Variants in WIZ observed in about 807,000 individuals in gnomAD.
WIZ encodes the protein protein Wiz.
In WIZ, 25 loss-of-function variants were observed where a neutral mutation model predicts 140.2. The ratio of observed to expected loss-of-function variants is 0.18; its 90% CI spans 0.13 to 0.25. The LOEUF (loss-of-function observed/expected upper bound fraction) is 0.25. Ranked by LOEUF, WIZ falls within the 10% of genes least tolerant of loss-of-function variation. The probability of loss-of-function intolerance (pLI) is 1.00; values close to 1 mark genes in which losing one functional copy is unlikely to be tolerated. For missense variants in WIZ, 2,231 were observed against 2,632.6 expected (o/e 0.85, Z 3.34); for synonymous variants, 1,125 against 1,154.3 (o/e 0.97, Z 0.51).
chr19:15,431,125 G>A lies in WIZ; in HGVS notation c.2798C>T (p.Pro933Leu), dbSNP rs1969207977. 6.5e-7 allele frequency: 1 copy of A among 1,535,206 alleles called. No individual in the cohort carries two copies. Among genetic ancestry groups the A allele is most frequent in the Admixed American group, 2.0e-5 (1 of 50,864 alleles). The change falls in exon 6 of 13, where the codon CCT (proline) becomes CTT (leucine). Residue 933 changes from proline to leucine, a missense_variant. Transcript: ENST00000673675. The stretch of plus-strand genomic sequence containing the variant: ...CCCAGGGACAGGCAGGCTCTTCTTA[G>A]GGAGCGAGGGAGAGCCCAAGTCCAT... ...VAMDLGSPSL[P>L]KKSLPVPGAL...
In WIZ at chr19:15,423,171, G is replaced by A. The variant is rs753728261; in HGVS notation, c.5575C>T (p.Arg1859Trp). Residue 1859 changes from arginine (R) to tryptophan (W), a missense_variant, in exon 13 of 13, where the codon CGG (arginine) becomes TGG (tryptophan). By Grantham distance (101) the Arg-to-Trp change is moderately radical. Transcript: ENST00000673675. The stretch of plus-strand genomic sequence containing the variant: ...GAGAAGTTCATCTCCAGGATGTGCC[G>A]CTGTAAGTGCCGCACCCACTCTTCC... ...IQEEWVRHLQ[R>W]HILEMNFSKA... 33 of 1,613,552 alleles carry A rather than the reference G, an allele frequency of 2.0e-5. No individual in the cohort carries two copies. Among genetic ancestry groups the A allele is most frequent in the South Asian group, 1.3e-4 (12 of 91,068 alleles).
chr19:15,427,060 C>CCGG lies in WIZ; in HGVS notation c.4285_4287dup (p.Pro1429dup). ...GGGTGCAGTTCCCCATGAAGGGCCC[C>CCGG]CGGCAGCATCTCCCGCTTGATCTCC... On this transcript the variant is annotated inframe_insertion, in exon 9 of 13. Transcript: ENST00000673675. The surrounding 1 kb of genome is among the most constrained non-coding windows in gnomAD (Gnocchi z 6.4). 1 of 1,614,180 alleles carries CCGG rather than the reference C, an allele frequency of 6.2e-7. No homozygotes were observed. Among genetic ancestry groups the CCGG allele is most frequent in the East Asian group, 2.2e-5 (1 of 44,888 alleles).
chr19:15,433,901 T>G (rs1568304507), intron 5 of WIZ, among the ~76,000 whole-genome samples: 1 of 152,140 alleles, frequency 6.6e-6, no homozygotes. Flanking sequence ...GGCTTGTGAG[T>G]GGGTCTGACT....
At position 15,440,081 on chromosome 19, in the gene WIZ, C is replaced by G; in HGVS notation, c.913G>C (p.Asp305His). 6.5e-7 allele frequency: 1 copy of G among 1,535,382 alleles called. No individual in the cohort carries two copies. The highest frequency in any genetic ancestry group is 8.7e-7 in the Non-Finnish European group (1 of 1,146,530). ...GCCGGCTCCTCGTCCTCGTCCTCAT[C>G]TGGGCTGGCCACCCCTTCGGCCACC... The part of the protein sequence containing the change: ...EEVAEGVASP[D>H]EDEDEEPAVF... The change falls in exon 4 of 13, where the codon GAT becomes CAT. Residue 305 changes from aspartate to histidine, a missense_variant. This residue lies in a region of WIZ where 307 missense variants were observed against 294.1 expected (regional missense o/e 1.04). Transcript: ENST00000673675. The surrounding 1 kb of genome is among the most constrained non-coding windows in gnomAD (Gnocchi z 6.2).
chr19:15,426,678 G>A (rs1275218644), intron 9 of WIZ, among the ~76,000 whole-genome samples: 2 of 152,190 alleles, frequency 1.3e-5, no homozygotes, highest in Admixed American at 6.5e-5. Flanking sequence ...ATGGATCCCC[G>A]CAGTCTTTCT....
In WIZ at chr19:15,431,149, A is replaced by G. The variant is rs1969210155; in HGVS notation, c.2774T>C (p.Met925Thr). 1 of 1,533,312 alleles carries G rather than the reference A, an allele frequency of 6.5e-7. No individual in the cohort carries two copies. 95.0% of individuals were successfully genotyped at this position (1,533,312 alleles called of 1,614,324 possible). The change falls in exon 6 of 13, where the codon ATG (methionine) becomes ACG (threonine). Residue 925 changes from methionine (M) to threonine (T), a missense_variant. This residue lies in a region of WIZ where 137 missense variants were observed against 135.8 expected (regional missense o/e 1.01). Coordinates refer to ENST00000673675, the MANE Select transcript of WIZ (RefSeq NM_001371589.1). ...LGSEENAMVAMDLGSPSLPKK... is the reference protein window; with the variant it reads ...LGSEENAMVATDLGSPSLPKK... Reference sequence around the variant, plus strand: ...AGGGAGCGAGGGAGAGCCCAAGTCCATGGCCACCATTGCGTTTTCCTCAGA... The same window carrying G: ...AGGGAGCGAGGGAGAGCCCAAGTCCGTGGCCACCATTGCGTTTTCCTCAGA...
At position 15,438,621 on chromosome 19, in the gene WIZ, C is replaced by A. The variant is rs1167999714; in HGVS notation, c.2373G>T (p.Lys791Asn). The A allele has an allele frequency of 1.9e-5, 29 of 1,525,990 alleles. No individual in the cohort carries two copies. Among genetic ancestry groups the A allele is most frequent in the Admixed American group, 1.6e-4 (8 of 50,572 alleles). 94.5% of individuals were successfully genotyped at this position (1,525,990 alleles called of 1,614,324 possible). A position where few individuals can be genotyped will look rare whatever the true frequency, so the allele number is the denominator to read the frequency against. ...GGAAGGAGAACCTGCGCTCAATGGC[C>A]TTCACCTCCTCAGCGGAGATGAAAT... ...VRHFISAEEVKAIERRFSFQK... is the reference protein window; with the variant it reads ...VRHFISAEEVNAIERRFSFQK... The change falls in exon 4 of 13, where the codon AAG (lysine) becomes AAT (asparagine). Residue 791 changes from lysine (K) to asparagine (N), a missense_variant. By Grantham distance (94) the Lys-to-Asn change is moderately conservative (BLOSUM62 0). Around this residue, in one of 15 missense-constraint regions of WIZ, gnomAD observed 118 missense variants for 209.1 expected, o/e 0.56. Transcript: ENST00000673675.
rs564778482 is a variant in WIZ, at chr19:15,427,088, C to T, written c.4260G>A (p.Arg1420=). ...LPKKLKPEQI[R]VEIKREMLPG... ...GCAGCATCTCCCGCTTGATCTCCACCCGTATTTGTTCAGGCTTCAGCTTCT... is the reference window on the plus strand; with the variant it reads ...GCAGCATCTCCCGCTTGATCTCCACTCGTATTTGTTCAGGCTTCAGCTTCT... Residue 1420 remains arginine (R), a synonymous_variant, in exon 9 of 13, where the codon CGG becomes CGA. Coordinates refer to ENST00000673675, the MANE Select transcript of WIZ (RefSeq NM_001371589.1). The surrounding 1 kb of genome is among the most constrained non-coding windows in gnomAD (Gnocchi z 6.4). 1.2e-6 allele frequency: 2 copies of T among 1,614,204 alleles called. No homozygotes were observed. Among genetic ancestry groups the T allele is most frequent in the Admixed American group, 1.7e-5 (1 of 60,022 alleles).
At chr19:15,448,415 C>T (rs1041656211) in intron 1 of WIZ, 48 bp from the exon 2 acceptor site, 12 of 1,387,184 alleles carry the variant, frequency 8.7e-6, no homozygotes, top group African/African-American at 1.5e-5. Context: ...GAAAGGGAAT[C>T]TGCCTCAGTT....
chr19:15,432,513 CGGTGGT>C (rs924028663), intron 5 of WIZ: 18 of 434,734 alleles, frequency 4.1e-5, no homozygotes, highest in Non-Finnish European at 4.6e-5. Flanking sequence ...GTGGCGGTGG[CGGTGGT>C]GGTGGCGGCG....
intron 2 of WIZ, among the ~76,000 whole-genome samples, chr19:15,443,177 T>G (rs1197851729): frequency 6.6e-6 from 1 of 152,238 alleles, no homozygotes; most frequent in Non-Finnish European, 1.5e-5. Flanking sequence ...GTTCAAGCGA[T>G]TCTCCTACCT....
Position 15,439,726 on chromosome 19 carries a change from T to C in WIZ, c.1268A>G (p.His423Arg). Residue 423 changes from histidine (H) to arginine (R), a missense_variant, in exon 4 of 13, where the codon CAC becomes CGC. Transcript: ENST00000673675. This position sits in a 1 kb window ranked among gnomAD's most constrained non-coding sequence, Gnocchi z 7.0. ...SRAYVQHAKLHMREPPGQTTK... is the reference protein window; with the variant it reads ...SRAYVQHAKLRMREPPGQTTK... ...GGTCTGGCCTGGGGGCTCACGCATG[T>C]GCAGCTTGGCATGCTGCACATAGGC... The C allele has an allele frequency of 2.0e-6, 3 of 1,477,662 alleles. No homozygotes were observed. Among genetic ancestry groups the C allele is most frequent in the Non-Finnish European group, 2.7e-6 (3 of 1,119,986 alleles). 91.5% of individuals were successfully genotyped at this position (1,477,662 alleles called of 1,614,324 possible).
intron 2 of WIZ, among the ~76,000 whole-genome samples, chr19:15,447,718 C>T (rs560198734): frequency 6.6e-6 from 1 of 152,280 alleles, no homozygotes; most frequent in Non-Finnish European, 1.5e-5. Context: ...ACAGGATACA[C>T]CCAGACAGCC....
chr19:15,426,376 C>T (rs1487970399), intron 9 of WIZ, among the ~76,000 whole-genome samples: 1 of 152,180 alleles, frequency 6.6e-6, no homozygotes, highest in Non-Finnish European at 1.5e-5. Flanking sequence ...GGCAAGCGAG[C>T]AAGTGACATT....
intron 5 of WIZ, 70 bp downstream of exon 5, chr19:15,436,736 C>T (rs1227678672): frequency 2.8e-6 from 4 of 1,431,678 alleles, no homozygotes; most frequent in Non-Finnish European, 3.7e-6. Flanking sequence ...GCCCCTCCAG[C>T]CCCGCCCCTC....
chr19:15,427,522 C>G lies in WIZ; in HGVS notation c.3826G>C (p.Glu1276Gln), dbSNP rs374441131. The G allele has an allele frequency of 6.2e-7, 1 of 1,607,640 alleles. No homozygotes were observed. Among genetic ancestry groups the G allele is most frequent in the African/African-American group, 1.3e-5 (1 of 74,834 alleles). Reference protein sequence around the residue: ...PSPLNLSSGPEPARDIRCEFC... With the variant: ...PSPLNLSSGPQPARDIRCEFC... Reference sequence around the variant, plus strand: ...TCGCAGCGGATGTCTCGTGCTGGCTCTGGGCCTGAGGCTGCAGCAGGAGGA... The same window carrying G: ...TCGCAGCGGATGTCTCGTGCTGGCTGTGGGCCTGAGGCTGCAGCAGGAGGA... The change falls in exon 9 of 13, where the codon GAG (glutamate) becomes CAG (glutamine). Residue 1276 changes from glutamate (E) to glutamine (Q), a missense_variant. By Grantham distance (29) the Glu-to-Gln change is conservative. This residue lies in a region of WIZ where 141 missense variants were observed against 161.2 expected (regional missense o/e 0.87). Transcript: ENST00000673675. This position sits in a 1 kb window ranked among gnomAD's most constrained non-coding sequence, Gnocchi z 6.4.
chr19:15,448,409 G>A, intron 1 of WIZ, 42 bp from the exon 2 acceptor site: 3 of 1,423,990 alleles, frequency 2.1e-6, no homozygotes, highest in Non-Finnish European at 1.9e-6. Flanking sequence ...ATGGAGGAAA[G>A]GGAATCTGCC....
intron 2 of WIZ, among the ~76,000 whole-genome samples, chr19:15,443,588 C>T (rs749620647): frequency 1.4e-4 from 22 of 152,332 alleles, no homozygotes; most frequent in Admixed American, 2.0e-4. Flanking sequence ...GACCGCCTAA[C>T]TCAAATGAGC....
Position 15,448,174 on chromosome 19 carries a change from C to A in WIZ, c.134G>T (p.Arg45Leu). 1 of 1,612,884 alleles carries A rather than the reference C, an allele frequency of 6.2e-7. No homozygotes were observed. Among genetic ancestry groups the A allele is most frequent in the Non-Finnish European group, 8.5e-7 (1 of 1,179,228 alleles). ...GGTGACAGGCAGGTAACGGGTGGAC[C>A]GGAAGATGCCACCTTCCCCCTCAGC... is the stretch of plus-strand genomic sequence containing the variant. Reference protein sequence around the residue: ...EAAEGEGGIFRSTRYLPVTKE... With the variant: ...EAAEGEGGIFLSTRYLPVTKE... The change falls in exon 2 of 13, where the codon CGG becomes CTG. Residue 45 changes from arginine to leucine, a missense_variant. Arg to Leu is a moderately radical substitution (Grantham distance 102). Around this residue, in one of 15 missense-constraint regions of WIZ, gnomAD observed 85 missense variants for 90.9 expected, o/e 0.94. Coordinates refer to ENST00000673675, the MANE Select transcript of WIZ (RefSeq NM_001371589.1).
Sources: gnomAD v4.1 joint callset for allele counts (sites outside exome capture counted in the v4.1 genomes callset) on GRCh38, gnomAD v4.1.1 for gene constraint, gnomAD v4.1.1 regional missense constraint, Gnocchi (gnomAD v3.1) non-coding constraint, MANE v1.5 for transcripts, NCBI Gene and HGNC (gene_info 2026-07-23, HGNC 2026-07-21) for gene names.